The following CNOT1 variants were observed in gnomAD, a reference collection of about 807,000 sequenced individuals.
The protein encoded by CNOT1 is CCR4-associated factor 1.
In CNOT1, 15 loss-of-function variants were observed where a neutral mutation model predicts 273.8. That is an observed-to-expected ratio of 0.05 (90% CI 0.04 to 0.08). CNOT1 has a LOEUF of 0.08. CNOT1 is among the 10% of genes least tolerant of loss of function. The pLI is 1.00. For synonymous variants in CNOT1, 1,022 were observed against 1,005.5 expected, an observed-to-expected ratio of 1.02 and a Z score of -0.31; for missense variants, 1,644 against 2,912.2, an observed-to-expected ratio of 0.56 and a Z score of 10.02.
chr16:58,548,334 T>G (rs1379253929), intron 25 of CNOT1, among the ~76,000 whole-genome samples: 1 of 152,112 alleles, frequency 6.6e-6, no homozygotes, highest in Non-Finnish European at 1.5e-5. Flanking sequence ...TGGCTGCAGG[T>G]ATGCACACAT....
In CNOT1 at chr16:58,543,257, T is replaced by C. The variant is rs748066093; in HGVS notation, c.4434+350A>G. 6 of 1,543,420 alleles carry C rather than the reference T, an allele frequency of 3.9e-6. No homozygotes were observed. The South Asian group carries it at 7.2e-5, about 19-fold the overall frequency. ...GCACATGCAACATCACTTTAAGTCA[T>C]TTTGTATCGGCCTTCTCAAACAGCT... On this transcript the variant is annotated intron_variant, in intron 31 of 48. Transcript: ENST00000317147.
chr16:58,554,935 C>CAAAAAAAAAAAAAAAA lies in CNOT1; in HGVS notation c.2891+300_2891+315dup, dbSNP rs56180546. The stretch of plus-strand genomic sequence containing the variant: ...TGGGGGACAGAGCAAGACTCCATCT[C>CAAAAAAAAAAAAAAAA]AAAAAAAAAAAAAAAAAAGCTTCAG... On this transcript the variant is annotated intron_variant, in intron 21 of 48. Coordinates refer to ENST00000317147, the MANE Select transcript of CNOT1 (RefSeq NM_016284.5). Among the ~76,000 whole-genome samples the CAAAAAAAAAAAAAAAA allele has an allele frequency of 1.4e-4, 11 of 78,878 alleles. 2 individuals are homozygous for CAAAAAAAAAAAAAAAA. Among genetic ancestry groups the CAAAAAAAAAAAAAAAA allele is most frequent in the African/African-American group, 2.5e-4 (5 of 19,978 alleles). The allele number at this position is 78,878 out of a possible 152,430, so 51.7% of individuals were successfully genotyped here. A position where few individuals can be genotyped will look rare whatever the true frequency, so the allele number is the denominator to read the frequency against.
chr16:58,551,670 T>A lies in CNOT1; in HGVS notation c.3120A>T (p.Val1040=). 1 of 1,614,206 alleles carries A rather than the reference T, an allele frequency of 6.2e-7. No individual in the cohort carries two copies. The highest frequency in any genetic ancestry group is 8.5e-7 in the Non-Finnish European group (1 of 1,180,034). ...APLAGQVSTM[V]TTSTTTTVAK... ...CAACAGTGGTAGTTGTTGAGGTGGT[T>A]ACCATAGTGCTAACTTGACCAGCAA... The change falls in exon 23 of 49, where the codon GTA becomes GTT. Residue 1040 remains valine (V), a synonymous_variant. Transcript: ENST00000317147.
intron 16 of CNOT1, among the ~76,000 whole-genome samples, chr16:58,565,166 G>T (rs1304502924): frequency 1.3e-5 from 2 of 152,180 alleles, no homozygotes; most frequent in Admixed American, 6.5e-5. Flanking sequence ...CGCCCAGGCA[G>T]GAATGCAGTG....
At chr16:58,582,651 C>T (rs950425388) in intron 10 of CNOT1, 142 bp downstream of exon 10, 38 of 582,468 alleles carry the variant, frequency 6.5e-5, no homozygotes, top group Middle Eastern at 4.3e-4. Context: ...AATTTGGTTA[C>T]GTACTGCCTG....
rs988412376 is a variant in CNOT1, at chr16:58,553,815, A to T, written c.2937T>A (p.Ser979Arg). 6.2e-7 allele frequency: 1 copy of T among 1,611,706 alleles called. No individual in the cohort carries two copies. Among genetic ancestry groups the T allele is most frequent in the Non-Finnish European group, 8.5e-7 (1 of 1,179,452 alleles). Reference protein sequence around the residue: ...PQYCQHLASISHFMQFPHHLQ... With the variant: ...PQYCQHLASIRHFMQFPHHLQ... ...AATGATGTGGAAATTGCATAAAGTG[A>T]CTGATAGAAGCCAAATGCTGACAAT... The change falls in exon 22 of 49, where the codon AGT (serine) becomes AGA (arginine). Residue 979 changes from serine to arginine, a missense_variant. Physicochemically the swap from Ser to Arg is moderately radical, Grantham distance 110. This residue lies in a region of CNOT1 where 74 missense variants were observed against 184.6 expected (regional missense o/e 0.40). Transcript: ENST00000317147.
At chr16:58,555,613 A>T in intron 20 of CNOT1, 76 bp from the exon 21 acceptor site, 1 of 1,552,940 alleles carries the variant, frequency 6.4e-7, no homozygotes, top group Non-Finnish European at 8.6e-7. Context: ...ATGCTTAACA[A>T]AAGACTATTA....
intron 31 of CNOT1, chr16:58,543,393 C>T (rs2040156444): frequency 6.6e-7 from 1 of 1,515,920 alleles, no homozygotes; most frequent in Non-Finnish European, 8.8e-7. Flanking sequence ...TGTCAAACAT[C>T]GTGTTGAGAA....
In CNOT1 at chr16:58,551,267, A is replaced by G; in HGVS notation, c.3207T>C (p.Ser1069=). The stretch of plus-strand genomic sequence containing the variant: ...ACGTATCTATATTTGTAGTATTAAT[A>G]GAAGGCTAAAAAAAAAAAATAAAGT... ...GVSFKKDVPP[S]INTTNIDTLL... is the part of the protein sequence containing the mutation. Residue 1069 remains serine, a synonymous_variant, in exon 24 of 49, where the codon TCT becomes TCC. Coordinates refer to ENST00000317147, the MANE Select transcript of CNOT1 (RefSeq NM_016284.5). The G allele has an allele frequency of 6.4e-7, 1 of 1,568,168 alleles. No individual in the cohort carries two copies. The highest frequency in any genetic ancestry group is 8.6e-7 in the Non-Finnish European group (1 of 1,166,594).
In CNOT1 at chr16:58,556,850, G is replaced by C; in HGVS notation, c.2476C>G (p.Pro826Ala). The C allele has an allele frequency of 6.2e-7, 1 of 1,612,794 alleles. No individual in the cohort carries two copies. The highest frequency in any genetic ancestry group is 1.1e-5 in the South Asian group (1 of 90,798). Residue 826 changes from proline to alanine, a missense_variant, in exon 19 of 49, where the codon CCT becomes GCT. By Grantham distance (27) the Pro-to-Ala change is conservative. Coordinates refer to ENST00000317147, the MANE Select transcript of CNOT1 (RefSeq NM_016284.5). ...CACAGACAACACTACCACTTACAAGGTTTCATCTTACTCTGCTGGAATGTA... is the reference window on the plus strand; with the variant it reads ...CACAGACAACACTACCACTTACAAGCTTTCATCTTACTCTGCTGGAATGTA... ...QPTFQQSKMKPSDLSQVWPEA... is the reference protein window; with the variant it reads ...QPTFQQSKMKASDLSQVWPEA...
intron 24 of CNOT1, among the ~76,000 whole-genome samples, chr16:58,550,779 G>T (rs966313509): frequency 6.6e-6 from 1 of 152,178 alleles, no homozygotes. Flanking sequence ...TGAGGGGCAA[G>T]TAGCATGCAT....
intron 7 of CNOT1, among the ~76,000 whole-genome samples, chr16:58,585,809 CCATA>C (rs1415340556): frequency 6.6e-6 from 1 of 152,120 alleles, no homozygotes; most frequent in African/African-American, 2.4e-5. Flanking sequence ...CTATCACTTC[CCATA>C]CAAAGAAAGC....
intron 2 of CNOT1, among the ~76,000 whole-genome samples, chr16:58,590,997 A>C (rs932098130): frequency 2.0e-5 from 3 of 152,120 alleles, no homozygotes; most frequent in African/African-American, 4.8e-5. Context: ...ATCTGTTAAC[A>C]AAAAGAAAGT....
At chr16:58,623,532 G>A (rs571498830) in intron 1 of CNOT1, 1 of 152,300 alleles carries the variant, frequency 6.6e-6, no homozygotes, top group East Asian at 1.9e-4. Flanking sequence ...AACCAACTGT[G>A]CCTCTGTAAT....
rs143136323 is a variant in CNOT1 at position 58,586,706 on chromosome 16, G to C, written c.476C>G (p.Ser159Cys). 1.3e-5 allele frequency: 21 copies of C among 1,613,200 alleles called. No homozygotes were observed. The highest frequency in any genetic ancestry group is 9.3e-6 in the Non-Finnish European group (11 of 1,179,944). The change falls in exon 7 of 49, where the codon TCT becomes TGT. Residue 159 changes from serine to cysteine, a missense_variant. Ser to Cys is a moderately radical substitution (Grantham distance 112). Around this residue, in one of 13 missense-constraint regions of CNOT1, gnomAD observed 706 missense variants for 1,021.2 expected, o/e 0.69. Coordinates refer to ENST00000317147, the MANE Select transcript of CNOT1 (RefSeq NM_016284.5). ...IKQKLPDLLR[S>C]YIDADVSGNQ... ...TCCACTGACGTCTGCGTCAATGTAA[G>C]AACGCAGAAGATCTGGAAGCTTCTG...
chr16:58,520,064 A>C lies in CNOT1; in HGVS notation c.*894T>G, dbSNP rs2039311251. Reference sequence around the variant, plus strand: ...CAACACAGGGACCAATACATTTGCAAAACATTCAAAATCCTTATAAAAGGG... The same window carrying C: ...CAACACAGGGACCAATACATTTGCACAACATTCAAAATCCTTATAAAAGGG... On this transcript the variant is annotated 3_prime_UTR_variant, in exon 49 of 49. Transcript: ENST00000317147. 6.6e-6 allele frequency: 1 copy of C among 152,248 alleles called. No individual in the cohort carries two copies. Among genetic ancestry groups the C allele is most frequent in the African/African-American group, 2.4e-5 (1 of 41,456 alleles). 9.4% of individuals were successfully genotyped at this position (152,248 alleles called of 1,614,324 possible).
At chr16:58,589,047 T>C (rs1481727450) in intron 2 of CNOT1, 141 bp from the exon 3 acceptor site, 1 of 1,165,550 alleles carries the variant, frequency 8.6e-7, no homozygotes, top group Non-Finnish European at 1.2e-6. Context: ...GTTAAAGGAA[T>C]TATTGATGGA....
At chr16:58,535,536 C>A (rs1597412213) in intron 39 of CNOT1, among the ~76,000 whole-genome samples, 2 of 152,124 alleles carry the variant, frequency 1.3e-5, no homozygotes, top group African/African-American at 4.8e-5. Context: ...ACATCCATAC[C>A]CACGAAATAG....
chr16:58,531,748 G>A (rs2039785123), intron 42 of CNOT1, among the ~76,000 whole-genome samples: 1 of 152,192 alleles, frequency 6.6e-6, no homozygotes, highest in Non-Finnish European at 1.5e-5. Flanking sequence ...CCACAACTGA[G>A]TTGAAGCAGC....
Sources: gnomAD v4.1 joint callset for allele counts (sites outside exome capture counted in the v4.1 genomes callset) on GRCh38, gnomAD v4.1.1 for gene constraint, gnomAD v4.1.1 regional missense constraint, MANE v1.5 for transcripts, NCBI Gene and HGNC (gene_info 2026-07-23, HGNC 2026-07-21) for gene names.